The following DLG2 variants were observed in gnomAD, a reference collection of about 807,000 sequenced individuals.
DLG2 encodes discs large MAGUK scaffold protein 2, also known as disks large homolog 2.
A neutral mutation model predicts 132.5 loss-of-function variants in DLG2; 45 were observed. That is an observed-to-expected ratio of 0.34 (90% CI 0.27 to 0.44). The LOEUF (loss-of-function observed/expected upper bound fraction) is 0.44. DLG2 is among the 20% of genes least tolerant of loss of function. The pLI, the probability that DLG2 is intolerant of heterozygous loss-of-function variation, is 1.00. For missense variants in DLG2, 1,045 were observed against 1,196.9 expected (o/e 0.87, Z 1.87); for synonymous variants, 424 against 419.6 (o/e 1.01, Z -0.13).
At chr11:85,146,148 T>G (rs1051946675) in intron 5 of DLG2, among the ~76,000 whole-genome samples, 1 of 151,942 alleles carries the variant, frequency 6.6e-6, no homozygotes, top group Non-Finnish European at 1.5e-5. Context: ...TTCCCTGGAT[T>G]ACTGGGCAGC....
intron 6 of DLG2, among the ~76,000 whole-genome samples, chr11:85,016,117 G>A (rs2059555301): frequency 6.6e-6 from 1 of 151,964 alleles, no homozygotes; most frequent in African/African-American, 2.4e-5. Context: ...CTGAAATTAA[G>A]TAAGGGTAAT....
At chr11:83,524,353 A>G (rs2095555054) in intron 21 of DLG2, among the ~76,000 whole-genome samples, 1 of 152,138 alleles carries the variant, frequency 6.6e-6, no homozygotes. Context: ...CCTGCAGGAC[A>G]GGGGTTGAGC....
intron 4 of DLG2, among the ~76,000 whole-genome samples, chr11:85,275,517 T>C (rs939842595): frequency 1.3e-5 from 2 of 152,134 alleles, no homozygotes; most frequent in Non-Finnish European, 2.9e-5. Context: ...TCATAAAATG[T>C]TTAACTAATA....
At chr11:85,461,372 T>C (rs1384532927) in intron 3 of DLG2, among the ~76,000 whole-genome samples, 3 of 152,192 alleles carry the variant, frequency 2.0e-5, no homozygotes, top group Non-Finnish European at 4.4e-5. Context: ...TTCAGGTGTA[T>C]TGACAATTGT....
intron 3 of DLG2, among the ~76,000 whole-genome samples, chr11:85,484,012 A>C (rs2093362644): frequency 6.6e-6 from 1 of 152,200 alleles, no homozygotes; most frequent in Non-Finnish European, 1.5e-5. Flanking sequence ...TGCAGCCCAA[A>C]GCGGGTGGTA....
At chr11:84,603,165 A>G (rs1403997851) in intron 6 of DLG2, among the ~76,000 whole-genome samples, 1 of 151,944 alleles carries the variant, frequency 6.6e-6, no homozygotes, top group Non-Finnish European at 1.5e-5. Flanking sequence ...GACATTATAA[A>G]TGCTTTAGAA....
intron 14 of DLG2, among the ~76,000 whole-genome samples, chr11:83,937,344 A>C (rs1048883677): frequency 1.3e-5 from 2 of 151,932 alleles, no homozygotes; most frequent in African/African-American, 4.8e-5. Context: ...AGTCTCTACT[A>C]AAAATATAAA....
intron 6 of DLG2, among the ~76,000 whole-genome samples, chr11:84,688,065 G>T (rs537513974): frequency 6.6e-6 from 1 of 152,306 alleles, no homozygotes; most frequent in South Asian, 2.1e-4. Context: ...GAAAAACTCA[G>T]ATGTGGTCCT....
chr11:84,965,084 A>G lies in DLG2; in HGVS notation c.357+146577T>C, dbSNP rs190988944. ...AGCACTCTATACATTGTATAAATAG[A>G]TCATAAGATATCTAAATGTTTCATA... On this transcript the variant is annotated intron_variant, in intron 6 of 27. Coordinates refer to ENST00000376104, the MANE Select transcript of DLG2 (RefSeq NM_001142699.3). Among the ~76,000 whole-genome samples the G allele has an allele frequency of 1.9e-3, 283 of 152,246 alleles. 2 individuals are homozygous for G. Among genetic ancestry groups the G allele is most frequent in the Admixed American group, 7.1e-3 (108 of 15,278 alleles).
Position 83,948,713 on chromosome 11 carries a change from A to G in DLG2, c.1340+14172T>C, listed in dbSNP as rs184361415. On this transcript the variant is annotated intron_variant, in intron 14 of 27. Coordinates refer to ENST00000376104, the MANE Select transcript of DLG2 (RefSeq NM_001142699.3). ...ATAAAGATATGGATTTTGGAGCCCA[A>G]CTGCCTATGTTTAGACACCAGCTTT... is the stretch of plus-strand genomic sequence containing the variant. Among the ~76,000 whole-genome samples the G allele has an allele frequency of 3.2e-3, 484 of 152,172 alleles. 5 individuals are homozygous for G. The highest frequency in any genetic ancestry group is 3.3e-3 in the Non-Finnish European group (223 of 68,016).
intron 15 of DLG2, among the ~76,000 whole-genome samples, chr11:83,895,999 C>T (rs551292509): frequency 2.0e-5 from 3 of 152,162 alleles, no homozygotes; most frequent in South Asian, 2.1e-4. Context: ...TTTATCAAGA[C>T]GAACCATTTG....
intron 7 of DLG2, among the ~76,000 whole-genome samples, chr11:84,382,152 G>A: frequency 6.6e-6 from 1 of 152,134 alleles, no homozygotes; most frequent in Non-Finnish European, 1.5e-5. Context: ...CAGCTTTCCT[G>A]CTAGAAATCA....
intron 6 of DLG2, among the ~76,000 whole-genome samples, chr11:84,910,189 C>T (rs548106027): frequency 2.6e-5 from 4 of 152,306 alleles, no homozygotes; most frequent in Admixed American, 6.5e-5. Flanking sequence ...GTCTAACCAA[C>T]CTCTACCCTC....
chr11:85,185,254 T>C (rs758553697), intron 4 of DLG2, among the ~76,000 whole-genome samples: 1 of 152,042 alleles, frequency 6.6e-6, no homozygotes, highest in Non-Finnish European at 1.5e-5. Context: ...CTTAACAAAA[T>C]GTCTATTCTA....
chr11:83,838,827 T>C (rs1056717777), intron 16 of DLG2, among the ~76,000 whole-genome samples: 4 of 151,820 alleles, frequency 2.6e-5, no homozygotes, highest in Non-Finnish European at 5.9e-5. Context: ...GCACTTCTTA[T>C]AAAATTAAGA....
intron 6 of DLG2, among the ~76,000 whole-genome samples, chr11:85,050,238 C>T (rs2062766990): frequency 6.6e-6 from 1 of 151,808 alleles, no homozygotes; most frequent in Non-Finnish European, 1.5e-5. Flanking sequence ...AAAATGTACA[C>T]TAAAAAATTC....
At chr11:84,067,092 T>C (rs2096685740) in intron 10 of DLG2, among the ~76,000 whole-genome samples, 1 of 152,066 alleles carries the variant, frequency 6.6e-6, no homozygotes, top group Non-Finnish European at 1.5e-5. Context: ...CCCGGTGCTT[T>C]GGGAGGCCGA....
chr11:85,034,782 G>T (rs1307346412), intron 6 of DLG2, among the ~76,000 whole-genome samples: 1 of 152,134 alleles, frequency 6.6e-6, no homozygotes, highest in Non-Finnish European at 1.5e-5. Flanking sequence ...GCATGGAGGA[G>T]TAATGTACTC....
intron 18 of DLG2, among the ~76,000 whole-genome samples, chr11:83,778,383 T>C (rs1155312): frequency 0.65 from 98,913 of 152,008 alleles, 33,819 homozygotes; most frequent in African/African-American, 0.86. Flanking sequence ...GCACAAGGAT[T>C]TATTTGGCTT....
Sources: gnomAD v4.1 joint callset for allele counts (sites outside exome capture counted in the v4.1 genomes callset) on GRCh38, gnomAD v4.1.1 for gene constraint, MANE v1.5 for transcripts, NCBI Gene and HGNC (gene_info 2026-07-23, HGNC 2026-07-21) for gene names.